Variants in GPM6A observed in about 807,000 individuals in gnomAD.
GPM6A encodes neuronal membrane glycoprotein M6-a.
A neutral mutation model predicts 32.1 loss-of-function variants in GPM6A; 7 were observed. The ratio of observed to expected loss-of-function variants is 0.22; its 90% CI spans 0.12 to 0.41. GPM6A has a LOEUF of 0.41. GPM6A is among the 10% of genes least tolerant of loss of function. The pLI, the probability that GPM6A is intolerant of heterozygous loss-of-function variation, is 1.00. For synonymous variants in GPM6A, 130 were observed against 123.4 expected (o/e 1.05, Z -0.35); for missense variants, 235 against 347.2 (o/e 0.68, Z 2.57).
At chr4:175,855,831 A>G (rs1736397746) in intron 1 of GPM6A, among the ~76,000 whole-genome samples, 1 of 152,234 alleles carries the variant, frequency 6.6e-6, no homozygotes, top group African/African-American at 2.4e-5. Context: ...TGTACATATT[A>G]TAGGTTAATA....
intron 4 of GPM6A, among the ~76,000 whole-genome samples, chr4:175,651,620 G>T (rs1035899944): frequency 4.6e-5 from 7 of 152,086 alleles, no homozygotes; most frequent in Admixed American, 2.6e-4. Flanking sequence ...CAATATACAT[G>T]TGTATATGTT....
intron 1 of GPM6A, among the ~76,000 whole-genome samples, chr4:175,838,769 T>G (rs1735852804): frequency 6.7e-6 from 1 of 148,884 alleles, no homozygotes; most frequent in Non-Finnish European, 1.5e-5. Context: ...TTCTCGTGCC[T>G]CAGCCTCCCA....
At chr4:175,918,718 A>G (rs1439264299) in intron 1 of GPM6A, among the ~76,000 whole-genome samples, 1 of 152,122 alleles carries the variant, frequency 6.6e-6, no homozygotes, top group Non-Finnish European at 1.5e-5. Context: ...TCTTTTTGTC[A>G]AAAACATGTG....
At chr4:175,878,595 G>A (rs1737163166) in intron 1 of GPM6A, among the ~76,000 whole-genome samples, 1 of 152,142 alleles carries the variant, frequency 6.6e-6, no homozygotes, top group Admixed American at 6.5e-5. Flanking sequence ...TCCCAAGACT[G>A]CACAAAGCAA....
chr4:175,749,599 T>C lies in GPM6A; in HGVS notation c.38-47832A>G, dbSNP rs545852383. On this transcript the variant is annotated intron_variant, in intron 1 of 6. Coordinates refer to ENST00000393658, the MANE Select transcript of GPM6A (RefSeq NM_201591.3). ...GGTATCGTTTATATAACTTACATTT[T>C]GATATGTTTCATTTCTCTGCTCAAA... Among the ~76,000 whole-genome samples, 14 of 152,340 alleles carry C rather than the reference T, an allele frequency of 9.2e-5. No homozygotes were observed. The East Asian group carries it at 2.7e-3, about 29-fold the overall frequency.
chr4:175,989,767 T>C (rs1741082074), intron 1 of GPM6A, among the ~76,000 whole-genome samples: 1 of 152,192 alleles, frequency 6.6e-6, no homozygotes. Context: ...ATTTTATAAA[T>C]TTCTGATTAT....
chr4:175,799,782 C>T (rs2111299998), intron 1 of GPM6A, among the ~76,000 whole-genome samples: 1 of 141,994 alleles, frequency 7.0e-6, no homozygotes, highest in African/African-American at 2.5e-5. Flanking sequence ...TCACGCCATT[C>T]TCCTGCCTCA....
chr4:175,844,760 TGCC>T (rs1213603803), intron 1 of GPM6A, among the ~76,000 whole-genome samples: 2 of 152,186 alleles, frequency 1.3e-5, no homozygotes, highest in Non-Finnish European at 2.9e-5. Flanking sequence ...ATTCCTCCAA[TGCC>T]TCTTAGCTTT....
intron 1 of GPM6A, among the ~76,000 whole-genome samples, chr4:175,999,871 T>C (rs918992382): frequency 6.6e-6 from 1 of 152,210 alleles, no homozygotes; most frequent in Non-Finnish European, 1.5e-5. Flanking sequence ...CCATCCCTAC[T>C]ACCACTAAAT....
At chr4:175,786,354 A>G (rs1434523225) in intron 1 of GPM6A, among the ~76,000 whole-genome samples, 1 of 150,118 alleles carries the variant, frequency 6.7e-6, no homozygotes, top group African/African-American at 2.4e-5. Context: ...CATTTGATCC[A>G]AATTACCCTT....
At chr4:175,992,060 G>GCACGCACA (rs71770965) in intron 1 of GPM6A, among the ~76,000 whole-genome samples, 14,393 of 136,928 alleles carry the variant, frequency 0.11, 935 homozygotes, top group African/African-American at 0.19. Context: ...AAACACACAT[G>GCACGCACA]CACACACACA....
At chr4:175,863,995 T>C (rs1736653447) in intron 1 of GPM6A, among the ~76,000 whole-genome samples, 1 of 151,710 alleles carries the variant, frequency 6.6e-6, no homozygotes, top group South Asian at 2.1e-4. Flanking sequence ...AGAGAGACCC[T>C]GTCTCCGAAA....
At chr4:175,805,929 A>C (rs1303727462) in intron 1 of GPM6A, 1 of 152,226 alleles carries the variant, frequency 6.6e-6, no homozygotes, top group Non-Finnish European at 1.5e-5. Flanking sequence ...TTCACAGTAC[A>C]AAGAAGTAAG....
At chr4:175,744,294 T>G (rs942369888) in intron 1 of GPM6A, among the ~76,000 whole-genome samples, 1 of 152,084 alleles carries the variant, frequency 6.6e-6, no homozygotes, top group Non-Finnish European at 1.5e-5. Flanking sequence ...AAAATTAGAA[T>G]GTACTTTGAA....
intron 2 of GPM6A, among the ~76,000 whole-genome samples, chr4:175,684,947 G>A (rs1164100906): frequency 6.6e-6 from 1 of 152,032 alleles, no homozygotes; most frequent in African/African-American, 2.4e-5. Context: ...GGAGTACAGT[G>A]GTGCGATCTC....
intron 1 of GPM6A, among the ~76,000 whole-genome samples, chr4:175,783,859 C>T (rs988702230): frequency 6.6e-6 from 1 of 151,972 alleles, no homozygotes; most frequent in Admixed American, 6.6e-5. Flanking sequence ...ATTTGCATAG[C>T]CTCAGAGTAT....
chr4:175,881,034 A>G (rs1737257150), intron 1 of GPM6A, among the ~76,000 whole-genome samples: 2 of 152,142 alleles, frequency 1.3e-5, no homozygotes, highest in Admixed American at 6.6e-5. Flanking sequence ...AGCAAAAGAA[A>G]CTACCATCAG....
chr4:175,685,959 T>C (rs924359560), intron 2 of GPM6A, among the ~76,000 whole-genome samples: 1 of 152,094 alleles, frequency 6.6e-6, no homozygotes. Context: ...ACATTTGTTT[T>C]TGTTTCAGGA....
rs375083483 is a variant in GPM6A at position 175,726,936 on chromosome 4, C to T, written c.38-25169G>A. On this transcript the variant is annotated intron_variant, in intron 1 of 6. Transcript: ENST00000393658. The stretch of plus-strand genomic sequence containing the variant: ...ACTTGAACCCAGGAGATGGAGATTA[C>T]GGTAAGCCAAGATCATGCCACTGCA... Among the ~76,000 whole-genome samples the T allele has an allele frequency of 2.1e-4, 32 of 152,164 alleles. No individual in the cohort carries two copies. The East Asian group carries it at 2.5e-3, about 12-fold the overall frequency.
Sources: gnomAD v4.1 joint callset for allele counts (sites outside exome capture counted in the v4.1 genomes callset) on GRCh38, gnomAD v4.1.1 for gene constraint, MANE v1.5 for transcripts, NCBI Gene and HGNC (gene_info 2026-07-23, HGNC 2026-07-21) for gene names.